Variants in ERCC5 observed in about 807,000 individuals in gnomAD.
ERCC5 encodes DNA excision repair protein ERCC-5.
ERCC5 carries 68 observed loss-of-function variants against 105.6 expected under a neutral mutation model. The ratio of observed to expected loss-of-function variants is 0.64; its 90% confidence interval spans 0.53 to 0.79. ERCC5 has a LOEUF of 0.79. ERCC5 is among the 30% of genes least tolerant of loss of function. The pLI is 0.00. For synonymous variants in ERCC5, 546 were observed against 526.2 expected (o/e 1.04, Z -0.51); for missense variants, 1,373 against 1,426.7 (o/e 0.96, Z 0.61).
chr13:102,850,867 A>G (rs1882175228), intron 1 of ERCC5, among the ~76,000 whole-genome samples: 1 of 152,100 alleles, frequency 6.6e-6, no homozygotes, highest in African/African-American at 2.4e-5. Context: ...TTCAGACAGG[A>G]GGAAAGAAGA....
At chr13:102,852,676 G>A (rs772078719) in intron 2 of ERCC5, among the ~76,000 whole-genome samples, 8 of 152,136 alleles carry the variant, frequency 5.3e-5, no homozygotes, top group South Asian at 2.1e-4. Context: ...AGTATCCTCC[G>A]TGATAGCAAG....
At chr13:102,874,612 C>G (rs1353494659) in intron 14 of ERCC5, 1 of 152,366 alleles carries the variant, frequency 6.6e-6, no homozygotes, top group East Asian at 1.9e-4. Context: ...AGCTCCGCCT[C>G]CCGGGTTCAC....
intron 4 of ERCC5, among the ~76,000 whole-genome samples, chr13:102,854,872 G>A (rs550862188): frequency 6.6e-6 from 1 of 152,214 alleles, no homozygotes; most frequent in African/African-American, 2.4e-5. Context: ...GCCTCTCTGT[G>A]GACTCCTCTT....
chr13:102,864,103 G>T (rs915383450), intron 8 of ERCC5, among the ~76,000 whole-genome samples: 32 of 144,964 alleles, frequency 2.2e-4, no homozygotes, highest in Non-Finnish European at 4.5e-4. Context: ...ATACGTGATG[G>T]CCACTTTGAA....
chr13:102,849,579 A>ATT, intron 1 of ERCC5: 1 of 338,134 alleles, frequency 3.0e-6, no homozygotes, highest in East Asian at 7.7e-5. Context: ...ATGGACCTAC[A>ATT]TTTTTTTTTA....
At position 102,863,043 on chromosome 13, in the gene ERCC5, A is replaced by G. The variant is rs775712530; in HGVS notation, c.1894A>G (p.Ile632Val). Residue 632 changes from isoleucine to valine, a missense_variant, in exon 8 of 15, where the codon ATT becomes GTT. By Grantham distance (29) the Ile-to-Val change is conservative. Around this residue, in one of 3 missense-constraint regions of ERCC5, gnomAD observed 1,004 missense variants for 1,059.7 expected, o/e 0.95. Coordinates refer to ENST00000652225, the MANE Select transcript of ERCC5 (RefSeq NM_000123.4). ...CACTGAATCTGCAGGCCAGGATTTA[A>G]TTTCCATTCCAAAGGCCGTGGAACC... is the stretch of plus-strand genomic sequence containing the variant. ...QTTESAGQDL[I>V]SIPKAVEPME... 4 of 1,614,172 alleles carry G rather than the reference A, an allele frequency of 2.5e-6. No individual in the cohort carries two copies. The highest frequency in any genetic ancestry group is 3.4e-6 in the Non-Finnish European group (4 of 1,180,042).
chr13:102,863,958 G>T (rs1215735912), intron 8 of ERCC5, among the ~76,000 whole-genome samples: 2 of 151,884 alleles, frequency 1.3e-5, no homozygotes, highest in Non-Finnish European at 2.9e-5. Context: ...TAAGATGGTG[G>T]TTTTTTAGGA....
Position 102,862,245 on chromosome 13 carries a change from C to G in ERCC5, c.1096C>G (p.Arg366Gly), listed in dbSNP as rs966111552. 1.9e-6 allele frequency: 3 copies of G among 1,613,994 alleles called. No homozygotes were observed. The highest frequency in any genetic ancestry group is 2.5e-6 in the Non-Finnish European group (3 of 1,180,038). Reference sequence around the variant, plus strand: ...AGAAGAGGAGCTGGAGAGTGAAAATCGAAGGCAGGCCCGTGGGAGGAACGC... The same window carrying G: ...AGAAGAGGAGCTGGAGAGTGAAAATGGAAGGCAGGCCCGTGGGAGGAACGC... ...SSEEELESEN[R>G]RQARGRNAPA... The change falls in exon 8 of 15, where the codon CGA becomes GGA. Residue 366 changes from arginine to glycine, a missense_variant. Arg to Gly is a moderately radical substitution (Grantham distance 125, BLOSUM62 -2). Transcript: ENST00000652225.
intron 8 of ERCC5, chr13:102,864,692 C>T (rs2140530288): frequency 6.6e-6 from 1 of 152,234 alleles, no homozygotes; most frequent in Non-Finnish European, 1.5e-5. Flanking sequence ...AGCTCTGGTT[C>T]CTTTCAGTGG....
chr13:102,873,863 T>A (rs1354750573), intron 14 of ERCC5, among the ~76,000 whole-genome samples: 1 of 152,208 alleles, frequency 6.6e-6, no homozygotes, highest in African/African-American at 2.4e-5. Context: ...GTGAGTATGT[T>A]CTGACTCACA....
intron 4 of ERCC5, among the ~76,000 whole-genome samples, chr13:102,855,125 C>G (rs1040097904): frequency 1.8e-4 from 28 of 152,208 alleles, no homozygotes; most frequent in Non-Finnish European, 5.9e-5. Flanking sequence ...TGTCTTTGAT[C>G]ATACCCTTTT....
Position 102,846,367 on chromosome 13 carries a change from C to CCGCCTTAAGTCCTAA in ERCC5, c.88+16_88+17insCTTAAGTCCTAACGC, listed in dbSNP as rs750389269. The CCGCCTTAAGTCCTAA allele has an allele frequency of 1.9e-5, 30 of 1,612,038 alleles. No individual in the cohort carries two copies. The Admixed American group carries it at 5.0e-4, about 27-fold the overall frequency. On this transcript the variant is annotated intron_variant, in intron 1 of 14. Coordinates refer to ENST00000652225, the MANE Select transcript of ERCC5 (RefSeq NM_000123.4). ...ATCCTGGCTGTTGGTATCCTTAACG[C>CCGCCTTAAGTCCTAA]CGCGTTGGGACTTGGGGTGCAGGGA...
In ERCC5 at chr13:102,873,291, C is replaced by T. The variant is rs750643985; in HGVS notation, c.2912C>T (p.Thr971Met). The T allele has an allele frequency of 2.5e-5, 40 of 1,613,934 alleles. No individual in the cohort carries two copies. The East Asian group carries it at 2.7e-4, about 11-fold the overall frequency. ...CAGCGGTATTTCGGCTGGAACAGAA[C>T]GAAGACAGATGAATCTCTGTTTCCT... Reference protein sequence around the residue: ...FCQRYFGWNRTKTDESLFPVL... With the variant: ...FCQRYFGWNRMKTDESLFPVL... Residue 971 changes from threonine (T) to methionine (M), a missense_variant, in exon 14 of 15, where the codon ACG (threonine) becomes ATG (methionine). By Grantham distance (81) the Thr-to-Met change is moderately conservative. Transcript: ENST00000652225.
intron 12 of ERCC5, among the ~76,000 whole-genome samples, chr13:102,871,795 T>C (rs1883043485): frequency 6.6e-6 from 1 of 152,190 alleles, no homozygotes; most frequent in Admixed American, 6.5e-5. Flanking sequence ...ATTTTACTGC[T>C]GAGAAAGAGA....
At position 102,862,677 on chromosome 13, in the gene ERCC5, CAT is replaced by C. The variant is rs776960961; in HGVS notation, c.1530_1531del (p.His510GlnfsTer2). ...RLPLESAVVR[H>X]SDAPGLPNGR... Reference sequence around the variant, plus strand: ...GCCTCTGGAGAGTGCAGTGGTTAGACATAGTGACGCACCTGGGCTCCCGAATG... The same window carrying C: ...GCCTCTGGAGAGTGCAGTGGTTAGACAGTGACGCACCTGGGCTCCCGAATG... On this transcript the variant is annotated frameshift_variant, in exon 8 of 15. Coordinates refer to ENST00000652225, the MANE Select transcript of ERCC5 (RefSeq NM_000123.4). LOFTEE classifies it high-confidence loss of function. 1 of 1,614,176 alleles carries C rather than the reference CAT, an allele frequency of 6.2e-7. No homozygotes were observed. The highest frequency in any genetic ancestry group is 2.2e-5 in the East Asian group (1 of 44,878).
In ERCC5 at chr13:102,862,880, C is replaced by T. The variant is rs891657129; in HGVS notation, c.1731C>T (p.Val577=). The stretch of plus-strand genomic sequence containing the variant: ...GTAAACCGAATTCTGCTTCTGAAGT[C>T]ATTGGCCCTGTCAGTTTGCAAGAAA... ...TKCKPNSASE[V]IGPVSLQETS... The change falls in exon 8 of 15, where the codon GTC becomes GTT. Residue 577 remains valine, a synonymous_variant. Coordinates refer to ENST00000652225, the MANE Select transcript of ERCC5 (RefSeq NM_000123.4). 1 of 1,614,172 alleles carries T rather than the reference C, an allele frequency of 6.2e-7. No individual in the cohort carries two copies. The highest frequency in any genetic ancestry group is 1.3e-5 in the African/African-American group (1 of 75,048).
At chr13:102,871,480 A>C (rs1314907972) in intron 12 of ERCC5, among the ~76,000 whole-genome samples, 2 of 152,108 alleles carry the variant, frequency 1.3e-5, no homozygotes, top group Non-Finnish European at 2.9e-5. Context: ...GCGAAATAAT[A>C]GTTGTTAGTG....
At chr13:102,852,842 T>G (rs997178305) in intron 2 of ERCC5, among the ~76,000 whole-genome samples, 4 of 152,066 alleles carry the variant, frequency 2.6e-5, no homozygotes, top group African/African-American at 9.7e-5. Flanking sequence ...TTAAAAAATG[T>G]TTTTGGAAGG....
rs778310059 is a variant in ERCC5, at chr13:102,866,711, C to G, written c.2399C>G (p.Thr800Ser). The G allele has an allele frequency of 5.0e-6, 8 of 1,614,276 alleles. 1 individual carries two copies. In the South Asian group the frequency reaches 5.5e-5, roughly 11 times the overall value. The change falls in exon 11 of 15, where the codon ACT becomes AGT. Residue 800 changes from threonine (T) to serine (S), a missense_variant. Physicochemically the swap from Thr to Ser is moderately conservative, Grantham distance 58. Coordinates refer to ENST00000652225, the MANE Select transcript of ERCC5 (RefSeq NM_000123.4). ...AEAQCAILDL[T>S]DQTSGTITDD... ...GCGCAGTGCGCCATCCTGGACCTGACTGATCAGACTTCCGGAACCATCACT... is the reference window on the plus strand; with the variant it reads ...GCGCAGTGCGCCATCCTGGACCTGAGTGATCAGACTTCCGGAACCATCACT...
Sources: gnomAD v4.1 joint callset for allele counts (sites outside exome capture counted in the v4.1 genomes callset) on GRCh38, gnomAD v4.1.1 for gene constraint, gnomAD v4.1.1 regional missense constraint, MANE v1.5 for transcripts, NCBI Gene and HGNC (gene_info 2026-07-23, HGNC 2026-07-21) for gene names.